The following PCBP3 variants were observed in gnomAD, a reference collection of about 807,000 sequenced individuals.
The protein encoded by PCBP3 is poly(rC)-binding protein 3.
PCBP3 carries 25 observed loss-of-function variants against 52.7 expected under a neutral mutation model. The ratio of observed to expected loss-of-function variants is 0.47; its 90% CI spans 0.35 to 0.66. PCBP3 has a LOEUF of 0.66. PCBP3 is among the 30% of genes least tolerant of loss of function. The pLI, the probability that PCBP3 is intolerant of heterozygous loss-of-function variation, is 0.01. For missense variants in PCBP3, 391 were observed against 490.3 expected (o/e 0.80, Z 1.91); for synonymous variants, 162 against 183.0 (o/e 0.89, Z 0.93).
At chr21:45,922,924 A>G (rs898689224) in intron 13 of PCBP3, among the ~76,000 whole-genome samples, 1 of 152,228 alleles carries the variant, frequency 6.6e-6, no homozygotes, top group Non-Finnish European at 1.5e-5. Flanking sequence ...ACCAGTGTCT[A>G]CTAAGAAGCT....
At chr21:45,718,806 CTA>C (rs1287465283) in intron 2 of PCBP3, among the ~76,000 whole-genome samples, 2 of 152,120 alleles carry the variant, frequency 1.3e-5, no homozygotes, top group Non-Finnish European at 1.5e-5. Flanking sequence ...CATCTGCGTC[CTA>C]TGTTTTATAA....
intron 5 of PCBP3, among the ~76,000 whole-genome samples, chr21:45,867,446 T>C (rs2094785748): frequency 6.6e-6 from 1 of 152,202 alleles, no homozygotes; most frequent in Non-Finnish European, 1.5e-5. Flanking sequence ...GGTGTGCCGC[T>C]ACGGGGTCCC....
chr21:45,676,811 C>T (rs2081497524), intron 2 of PCBP3, among the ~76,000 whole-genome samples: 1 of 152,014 alleles, frequency 6.6e-6, no homozygotes, highest in Non-Finnish European at 1.5e-5. Flanking sequence ...TCACTCTGTT[C>T]CCCAGGCTGG....
At chr21:45,778,995 C>T (rs1234663981) in intron 4 of PCBP3, among the ~76,000 whole-genome samples, 1 of 152,140 alleles carries the variant, frequency 6.6e-6, no homozygotes, top group Non-Finnish European at 1.5e-5. Context: ...ACAGGGCTTG[C>T]CCCCCAGCCC....
intron 1 of PCBP3, among the ~76,000 whole-genome samples, chr21:45,666,895 A>G (rs1312988739): frequency 1.3e-5 from 2 of 151,918 alleles, no homozygotes; most frequent in African/African-American, 4.8e-5. Flanking sequence ...GTCTTTTGAT[A>G]GTTTGATTAT....
chr21:45,690,224 G>A (rs796723348), intron 2 of PCBP3, among the ~76,000 whole-genome samples: 26 of 152,188 alleles, frequency 1.7e-4, no homozygotes, highest in African/African-American at 6.3e-4. Context: ...AGGCATTTCA[G>A]TGGAGAAAGG....
intron 13 of PCBP3, among the ~76,000 whole-genome samples, chr21:45,925,819 T>A (rs1454166114): frequency 1.3e-5 from 2 of 152,202 alleles, no homozygotes; most frequent in Admixed American, 1.3e-4. Flanking sequence ...AAATATATTT[T>A]AAAAATTGAC....
intron 15 of PCBP3, among the ~76,000 whole-genome samples, chr21:45,931,823 G>A (rs1362351456): frequency 6.6e-6 from 1 of 151,852 alleles, no homozygotes; most frequent in Non-Finnish European, 1.5e-5. Context: ...GAACACCTGG[G>A]CCATGCCGTC....
chr21:45,823,519 GTTC>G (rs2093211505), intron 4 of PCBP3, among the ~76,000 whole-genome samples: 1 of 152,054 alleles, frequency 6.6e-6, no homozygotes, highest in South Asian at 2.1e-4. Context: ...ACGCGTGTCC[GTTC>G]TTCTGAGAGT....
chr21:45,822,964 C>T (rs1443604563), intron 4 of PCBP3, among the ~76,000 whole-genome samples: 3 of 152,176 alleles, frequency 2.0e-5, no homozygotes, highest in East Asian at 3.9e-4. Flanking sequence ...CACTGTGACT[C>T]ACATGTGAGG....
Position 45,917,952 on chromosome 21 carries a change from C to T in PCBP3, c.717+323C>T, listed in dbSNP as rs1464519301. On this transcript the variant is annotated intron_variant, in intron 13 of 17. Transcript: ENST00000681687. This position sits in a 1 kb window ranked among gnomAD's most constrained non-coding sequence, Gnocchi z 5.3. ...GCAGGGCAGTGAGGATGTGCTCACC[C>T]GCCACAGGCAGGCGTCAGTGATACT... 8.6e-6 allele frequency: 3 copies of T among 347,988 alleles called. No homozygotes were observed. The highest frequency in any genetic ancestry group is 3.1e-5 in the South Asian group (1 of 32,114). 21.6% of individuals were successfully genotyped at this position (347,988 alleles called of 1,614,324 possible).
intron 4 of PCBP3, among the ~76,000 whole-genome samples, chr21:45,768,898 C>T (rs1414655817): frequency 2.6e-5 from 4 of 152,222 alleles, no homozygotes; most frequent in African/African-American, 9.6e-5. Flanking sequence ...CTGCCTGTTC[C>T]GTCTGACTCG....
In PCBP3 at chr21:45,900,960, T is replaced by C. The variant is rs768852873; in HGVS notation, c.223-37T>C. 13 of 1,502,872 alleles carry C rather than the reference T, an allele frequency of 8.7e-6. No homozygotes were observed. The South Asian group carries it at 1.3e-4, about 16-fold the overall frequency. 93.1% of individuals were successfully genotyped at this position (1,502,872 alleles called of 1,614,324 possible). On this transcript the variant is annotated intron_variant, in intron 8 of 17. Transcript: ENST00000681687. ...CCCCGACCCACTGGCCCAAGGGTTT[T>C]AATCAGGTCGCTGGGGTTTCTCTGC...
At chr21:45,789,833 GT>G (rs1451676182) in intron 4 of PCBP3, among the ~76,000 whole-genome samples, 2 of 152,174 alleles carry the variant, frequency 1.3e-5, no homozygotes, top group Non-Finnish European at 2.9e-5. Flanking sequence ...AATCGCTCTG[GT>G]GTCTGGGTAG....
chr21:45,724,578 A>G lies in PCBP3; in HGVS notation c.-199-10814A>G, dbSNP rs536450786. ...CAGGCTGCTCTGTAACACGAACATT[A>G]AAACTGATTTGAGGTGTTAGCGGTG... On this transcript the variant is annotated intron_variant, in intron 2 of 17. Coordinates refer to ENST00000681687, the MANE Select transcript of PCBP3 (RefSeq NM_001384156.1). The surrounding 1 kb of genome is among the most constrained non-coding windows in gnomAD (Gnocchi z 5.3). Among the ~76,000 whole-genome samples, 1 of 152,286 alleles carries G rather than the reference A, an allele frequency of 6.6e-6. No homozygotes were observed. The highest frequency in any genetic ancestry group is 1.9e-4 in the East Asian group (1 of 5,172).
intron 4 of PCBP3, among the ~76,000 whole-genome samples, chr21:45,843,159 T>TTGAATAGTGAA (rs1569298253): frequency 2.6e-5 from 4 of 152,178 alleles, no homozygotes; most frequent in African/African-American, 9.7e-5. Context: ...CTTTCAGGGT[T>TTGAATAGTGAA]CTCTTCTGTT....
At chr21:45,854,249 A>C (rs1603451000) in intron 5 of PCBP3, among the ~76,000 whole-genome samples, 1 of 151,994 alleles carries the variant, frequency 6.6e-6, no homozygotes, top group South Asian at 2.1e-4. Context: ...GCTTTTTTAA[A>C]ATTTATTTTT....
Position 45,710,740 on chromosome 21 carries a change from G to A in PCBP3, c.-199-24652G>A, listed in dbSNP as rs78670518. Among the ~76,000 whole-genome samples the A allele has an allele frequency of 1.9e-4, 29 of 152,320 alleles. No homozygotes were observed. In the East Asian group the frequency reaches 5.6e-3, roughly 29 times the overall value. On this transcript the variant is annotated intron_variant, in intron 2 of 17. Transcript: ENST00000681687. ...CTTAAAGGGTGGAGAGTTGTGCTCT[G>A]CCTCACTGAGGATGGAGTGTCTGTA...
At position 45,802,475 on chromosome 21, in the gene PCBP3, G is replaced by A. The variant is rs1030057977; in HGVS notation, c.-126+47023G>A. Among the ~76,000 whole-genome samples, 3 of 152,130 alleles carry A rather than the reference G, an allele frequency of 2.0e-5. No homozygotes were observed. Among genetic ancestry groups the A allele is most frequent in the South Asian group, 4.1e-4 (2 of 4,834 alleles). Reference sequence around the variant, plus strand: ...CTGTGCCCGGGCTGCCCAAGGTGGTGTGAGTGTCAGGGCACGTGGCCCAGA... The same window carrying A: ...CTGTGCCCGGGCTGCCCAAGGTGGTATGAGTGTCAGGGCACGTGGCCCAGA... On this transcript the variant is annotated intron_variant, in intron 4 of 17. Transcript: ENST00000681687. This position sits in a 1 kb window ranked among gnomAD's most constrained non-coding sequence, Gnocchi z 5.1.
Sources: gnomAD v4.1 joint callset for allele counts (sites outside exome capture counted in the v4.1 genomes callset) on GRCh38, gnomAD v4.1.1 for gene constraint, Gnocchi (gnomAD v3.1) non-coding constraint, MANE v1.5 for transcripts, NCBI Gene and HGNC (gene_info 2026-07-23, HGNC 2026-07-21) for gene names.